OPTN: variants seen among roughly 807,000 people sequenced by gnomAD.
OPTN encodes the protein E3-14.7K-interacting protein.
A neutral mutation model predicts 70.4 loss-of-function variants in OPTN; 54 were observed. That is an observed-to-expected ratio of 0.77 (90% CI 0.62 to 0.96). The LOEUF (loss-of-function observed/expected upper bound fraction) is 0.96, where lower values mean the gene tolerates loss of function less well. Among genes scored for constraint, OPTN ranks in the 40% least tolerant of loss-of-function variants. The probability of loss-of-function intolerance (pLI) is 0.00; values close to 1 mark genes in which losing one functional copy is unlikely to be tolerated. For synonymous variants in OPTN, 256 were observed against 248.5 expected (o/e 1.03, Z -0.28); for missense variants, 624 against 673.2 (o/e 0.93, Z 0.81).
At chr10:13,117,639 G>T (rs1588442687) in intron 6 of OPTN, among the ~76,000 whole-genome samples, 1 of 151,384 alleles carries the variant, frequency 6.6e-6, no homozygotes, top group African/African-American at 2.4e-5. Context: ...TAGAGACAGG[G>T]TTTCACTGTG....
At chr10:13,113,044 C>G (rs1588436877) in intron 5 of OPTN, among the ~76,000 whole-genome samples, 1 of 152,184 alleles carries the variant, frequency 6.6e-6, no homozygotes, top group East Asian at 1.9e-4. Context: ...TGTTTTGAGA[C>G]AGAGTCTTAC....
chr10:13,103,742 G>GCACACACACACACACACACACACACA (rs771828062), intron 1 of OPTN, among the ~76,000 whole-genome samples: 5 of 64,794 alleles, frequency 7.7e-5, no homozygotes, highest in African/African-American at 1.6e-4. Context: ...ACACACACAT[G>GCACACACACACACACACACACACACA]CACACACACA....
At chr10:13,129,324 G>A (rs751083060) in intron 12 of OPTN, among the ~76,000 whole-genome samples, 5 of 151,302 alleles carry the variant, frequency 3.3e-5, no homozygotes, top group Non-Finnish European at 5.9e-5. Flanking sequence ...TCTTTGCTCT[G>A]GTACCATGCT....
intron 5 of OPTN, among the ~76,000 whole-genome samples, chr10:13,113,500 A>C (rs889571855): frequency 6.6e-5 from 10 of 152,330 alleles, no homozygotes; most frequent in Admixed American, 5.2e-4. Flanking sequence ...GTTTGAAGCC[A>C]TTGCTATCAA....
chr10:13,136,672 A>T, intron 14 of OPTN, 73 bp from the exon 15 acceptor site: 1 of 1,592,672 alleles, frequency 6.3e-7, no homozygotes, highest in African/African-American at 1.3e-5. Context: ...AAAACTCGCC[A>T]TCTGTTCTTC....
intron 7 of OPTN, 100 bp from the exon 8 acceptor site, chr10:13,122,285 C>T: frequency 1.2e-6 from 1 of 808,324 alleles, no homozygotes; most frequent in South Asian, 1.5e-5. Context: ...GATCCTTTAT[C>T]CCAATTGTAA....
chr10:13,127,952 A>T, intron 12 of OPTN, 49 bp downstream of exon 12: 2 of 1,589,886 alleles, frequency 1.3e-6, no homozygotes, highest in Non-Finnish European at 1.7e-6. Context: ...CCCTGACTGT[A>T]TTCTCGCATT....
At chr10:13,135,086 T>G (rs1292350991) in intron 14 of OPTN, among the ~76,000 whole-genome samples, 1 of 152,174 alleles carries the variant, frequency 6.6e-6, no homozygotes, top group African/African-American at 2.4e-5. Flanking sequence ...TATTCATACA[T>G]GTTACTACAT....
At chr10:13,135,895 C>G (rs1240258688) in intron 14 of OPTN, among the ~76,000 whole-genome samples, 1 of 152,148 alleles carries the variant, frequency 6.6e-6, no homozygotes, top group African/African-American at 2.4e-5. Flanking sequence ...AACTGGGATA[C>G]AGTTTAAATC....
At chr10:13,132,269 G>T in intron 13 of OPTN, 72 bp downstream of exon 13, 1 of 1,571,920 alleles carries the variant, frequency 6.4e-7, no homozygotes, top group South Asian at 1.1e-5. Flanking sequence ...GTCCAAAGAC[G>T]TTCCTGATTT....
chr10:13,136,583 A>C (rs1833705777), intron 14 of OPTN, among the ~76,000 whole-genome samples, 162 bp from the exon 15 acceptor site: 1 of 151,712 alleles, frequency 6.6e-6, no homozygotes, highest in Non-Finnish European at 1.5e-5. Flanking sequence ...CTCTATGTGC[A>C]TCGTGATGAC....
chr10:13,133,616 A>T, intron 14 of OPTN, 35 bp downstream of exon 14: 1 of 1,571,632 alleles, frequency 6.4e-7, no homozygotes, highest in Middle Eastern at 1.7e-4. Context: ...TTCAGGAAAT[A>T]GCTATCCTAT....
intron 1 of OPTN, among the ~76,000 whole-genome samples, chr10:13,106,668 C>T (rs1416984467): frequency 1.3e-5 from 2 of 152,180 alleles, no homozygotes; most frequent in Non-Finnish European, 2.9e-5. Context: ...AGGAGGTTAC[C>T]AGGTATTGCT....
intron 6 of OPTN, among the ~76,000 whole-genome samples, chr10:13,118,335 T>A (rs1208930132): frequency 1.3e-5 from 2 of 152,236 alleles, no homozygotes; most frequent in African/African-American, 4.8e-5. Flanking sequence ...TGTCTCTTGA[T>A]TTAGTCAGAT....
intron 3 of OPTN, chr10:13,109,527 A>T (rs1011605984): frequency 2.0e-5 from 10 of 506,350 alleles, no homozygotes; most frequent in Non-Finnish European, 3.6e-5. Flanking sequence ...TATTTAGCCC[A>T]TTCAAAAGGA....
rs1039114524 is a variant in OPTN at position 13,115,862 on chromosome 10, T to A, written c.553-405T>A. ...TCACAGAAACTGCCTCTTTTTTAAC[T>A]TTACCTCAGTGAGTTCTAGCATTTT... On this transcript the variant is annotated intron_variant, in intron 5 of 14. Transcript: ENST00000378747. Among the ~76,000 whole-genome samples the A allele has an allele frequency of 4.0e-5, 6 of 151,148 alleles. 1 individual carries two copies. In the East Asian group the frequency reaches 1.2e-3, roughly 29 times the overall value.
intron 3 of OPTN, 124 bp from the exon 4 acceptor site, chr10:13,110,150 C>A (rs1832964234): frequency 6.5e-7 from 1 of 1,540,064 alleles, no homozygotes; most frequent in Admixed American, 2.0e-5. Flanking sequence ...ACCCTTGGGC[C>A]AAGGCTAAGC....
chr10:13,131,258 C>G (rs970006183), intron 12 of OPTN: 2 of 152,242 alleles, frequency 1.3e-5, no homozygotes, highest in African/African-American at 4.8e-5. Flanking sequence ...GGAGTGACAG[C>G]GTCTTTTGTG....
intron 2 of OPTN, 69 bp from the exon 3 acceptor site, chr10:13,109,043 T>C: frequency 1.4e-6 from 2 of 1,418,150 alleles, no homozygotes; most frequent in Non-Finnish European, 2.0e-6. Context: ...CCAATGGGTT[T>C]GTGGGACTCC....
Sources: allele counts gnomAD v4.1 joint callset (sites outside exome capture counted in the v4.1 genomes callset), GRCh38; gene constraint gnomAD v4.1.1; transcripts MANE v1.5; gene names NCBI Gene and HGNC (gene_info 2026-07-23, HGNC 2026-07-21).